The following UNC45B variants were observed in gnomAD, a reference collection of about 807,000 sequenced individuals.
UNC45B encodes the protein unc-45 myosin chaperone B.
A neutral mutation model predicts 98.7 loss-of-function variants in UNC45B; 78 were observed. That is an observed-to-expected ratio of 0.79 (90% CI 0.66 to 0.95). The LOEUF (loss-of-function observed/expected upper bound fraction) is 0.95, where lower values mean the gene tolerates loss of function less well. Ranked by LOEUF, UNC45B falls within the 40% of genes least tolerant of loss-of-function variation. UNC45B has a pLI of 0.00. For synonymous variants in UNC45B, 462 were observed against 480.4 expected (o/e 0.96, Z 0.50); for missense variants, 1,225 against 1,184.9 (o/e 1.03, Z -0.50).
At chr17:35,175,077 A>C (rs952182685) in intron 14 of UNC45B, among the ~76,000 whole-genome samples, 1 of 122,324 alleles carries the variant, frequency 8.2e-6, no homozygotes, top group East Asian at 2.2e-4. Flanking sequence ...GAAAGAAAGA[A>C]AGAAAGAAAG....
intron 18 of UNC45B, among the ~76,000 whole-genome samples, chr17:35,181,879 C>A (rs2092276378): frequency 6.6e-6 from 1 of 151,006 alleles, no homozygotes; most frequent in Non-Finnish European, 1.5e-5. Flanking sequence ...GGGCTGGGGG[C>A]CTGGCAGCCA....
intron 13 of UNC45B, among the ~76,000 whole-genome samples, chr17:35,173,318 G>C (rs1043690493): frequency 2.6e-5 from 4 of 152,022 alleles, no homozygotes; most frequent in Non-Finnish European, 5.9e-5. Context: ...TAGAGACGGG[G>C]TTTCGCCATG....
At chr17:35,182,141 G>A (rs1035857923) in intron 18 of UNC45B, among the ~76,000 whole-genome samples, 1 of 150,442 alleles carries the variant, frequency 6.6e-6, no homozygotes, top group Non-Finnish European at 1.5e-5. Flanking sequence ...CCAGGGTAGA[G>A]TGCAGTGGTG....
In UNC45B at chr17:35,183,928, A is replaced by G. The variant is rs535949459; in HGVS notation, c.2529+346A>G. Reference sequence around the variant, plus strand: ...GAAGCACGGATGTGGTTGGGATGCCATAAGGAGCTTATGGTTTGGCAAAAA... The same window carrying G: ...GAAGCACGGATGTGGTTGGGATGCCGTAAGGAGCTTATGGTTTGGCAAAAA... On this transcript the variant is annotated intron_variant, in intron 19 of 19. Coordinates refer to ENST00000394570, the MANE Select transcript of UNC45B (RefSeq NM_001267052.2). Among the ~76,000 whole-genome samples the G allele has an allele frequency of 3.3e-5, 5 of 152,066 alleles. No individual in the cohort carries two copies. In the South Asian group the frequency reaches 1.0e-3, roughly 32 times the overall value.
chr17:35,158,468 C>T (rs1286188956), intron 7 of UNC45B, among the ~76,000 whole-genome samples: 1 of 152,142 alleles, frequency 6.6e-6, no homozygotes, highest in Non-Finnish European at 1.5e-5. Context: ...CAGCCCAGGG[C>T]CAGTGTTGGA....
Position 35,186,820 on chromosome 17 carries a change from G to C in UNC45B, c.*261G>C, listed in dbSNP as rs1231243504. 8 of 377,628 alleles carry C rather than the reference G, an allele frequency of 2.1e-5. No homozygotes were observed. The highest frequency in any genetic ancestry group is 4.1e-5 in the African/African-American group (2 of 49,000). The allele number at this position is 377,628 out of a possible 1,614,324, so 23.4% of individuals were successfully genotyped here. On this transcript the variant is annotated 3_prime_UTR_variant, in exon 20 of 20. Transcript: ENST00000394570. The stretch of plus-strand genomic sequence containing the variant: ...AATTCCCAGAATAATTTTCACCCAT[G>C]ATTAGAAATAGGTTGGATCATTCTT...
At chr17:35,172,464 G>T (rs2092194201) in intron 13 of UNC45B, among the ~76,000 whole-genome samples, 1 of 152,186 alleles carries the variant, frequency 6.6e-6, no homozygotes, top group South Asian at 2.1e-4. Flanking sequence ...GGTCAGGCTG[G>T]TCTCAAACTC....
At chr17:35,155,157 C>T (rs1452343717) in intron 6 of UNC45B, 139 bp from the exon 7 acceptor site, 1 of 1,023,446 alleles carries the variant, frequency 9.8e-7, no homozygotes, top group African/African-American at 1.6e-5. Context: ...ACAGAGGGGC[C>T]CATGAGGCAA....
At chr17:35,168,434 T>C in intron 10 of UNC45B, 73 bp downstream of exon 10, 1 of 1,257,718 alleles carries the variant, frequency 8.0e-7, no homozygotes, top group East Asian at 2.8e-5. Flanking sequence ...CCAAAATGAA[T>C]GAGTTGAGGC....
At chr17:35,149,770 C>T (rs968704215) in intron 3 of UNC45B, among the ~76,000 whole-genome samples, 8 of 152,144 alleles carry the variant, frequency 5.3e-5, no homozygotes, top group Non-Finnish European at 8.8e-5. Flanking sequence ...ATGCAAGCAC[C>T]GATTGGTTAA....
rs748791301 is a variant in UNC45B at position 35,175,952 on chromosome 17, C to G, written c.1959-16C>G. Reference sequence around the variant, plus strand: ...GCTGGTGTATTAACTGTTCTCCTTTCTTCTCGGTCCCACAGGGTATTCCTG... The same window carrying G: ...GCTGGTGTATTAACTGTTCTCCTTTGTTCTCGGTCCCACAGGGTATTCCTG... On this transcript the variant is annotated splice_polypyrimidine_tract_variant and intron_variant, in intron 14 of 19. Coordinates refer to ENST00000394570, the MANE Select transcript of UNC45B (RefSeq NM_001267052.2). 3.0e-5 allele frequency: 49 copies of G among 1,613,156 alleles called. No individual in the cohort carries two copies. In the Middle Eastern group the frequency reaches 1.2e-3, roughly 38 times the overall value.
intron 10 of UNC45B, among the ~76,000 whole-genome samples, 163 bp downstream of exon 10, chr17:35,168,524 G>A (rs945785582): frequency 1.3e-5 from 2 of 152,078 alleles, no homozygotes; most frequent in Non-Finnish European, 2.9e-5. Context: ...ATATCCAGGG[G>A]GCTTGTGAGG....
At position 35,177,520 on chromosome 17, in the gene UNC45B, T is replaced by G. The variant is rs2092243352; in HGVS notation, c.2165T>G (p.Val722Gly). 2 of 1,566,058 alleles carry G rather than the reference T, an allele frequency of 1.3e-6. No homozygotes were observed. The highest frequency in any genetic ancestry group is 2.4e-5 in the South Asian group (2 of 84,984). The part of the protein sequence containing the change: ...ERVYEVVRPL[V>G]RLLDTQRDGL... ...GTGTATGAGGTGGTGCGGCCCCTTG[T>G]AAGACTCTTGGACACACAGAGGGAT... is the stretch of plus-strand genomic sequence containing the variant. Residue 722 changes from valine to glycine, a missense_variant, in exon 17 of 20, where the codon GTA becomes GGA. Physicochemically the swap from Val to Gly is moderately radical, Grantham distance 109. Transcript: ENST00000394570.
At chr17:35,153,672 T>C (rs1217993588) in intron 5 of UNC45B, among the ~76,000 whole-genome samples, 2 of 151,866 alleles carry the variant, frequency 1.3e-5, no homozygotes, top group African/African-American at 4.8e-5. Flanking sequence ...TTGTTATAGA[T>C]AAAATAAAGT....
chr17:35,176,006 G>A lies in UNC45B; in HGVS notation c.1997G>A (p.Gly666Asp), dbSNP rs767124877. 2 of 1,614,028 alleles carry A rather than the reference G, an allele frequency of 1.2e-6. No individual in the cohort carries two copies. Among genetic ancestry groups the A allele is most frequent in the Non-Finnish European group, 1.7e-6 (2 of 1,180,030 alleles). Reference sequence around the variant, plus strand: ...CTGTGTGACAACCCAAAGGACCGAGGCACCATTGTGGCTCAAGGTGGTGGC... The same window carrying A: ...CTGTGTGACAACCCAAAGGACCGAGACACCATTGTGGCTCAAGGTGGTGGC... ...LALCDNPKDR[G>D]TIVAQGGGKA... Residue 666 changes from glycine to aspartate, a missense_variant, in exon 15 of 20, where the codon GGC (glycine) becomes GAC (aspartate). Transcript: ENST00000394570.
In UNC45B at chr17:35,154,732, C is replaced by T. The variant is rs765465353; in HGVS notation, c.630C>T (p.His210=). 9.4e-6 allele frequency: 15 copies of T among 1,588,944 alleles called. No individual in the cohort carries two copies. The highest frequency in any genetic ancestry group is 1.3e-5 in the Non-Finnish European group (15 of 1,171,206). ...VRTLSGMCSG[H]QARATVILHA... ...CCCTGTCGGGCATGTGCAGCGGCCA[C>T]CAAGCCAGAGTAAGTGCCCGGCTGT... The change falls in exon 6 of 20, where the codon CAC becomes CAT. Residue 210 remains histidine (H), a synonymous_variant. Transcript: ENST00000394570.
chr17:35,183,561 G>C lies in UNC45B; in HGVS notation c.2508G>C (p.Leu836=), dbSNP rs1353959463. 6.3e-7 allele frequency: 1 copy of C among 1,578,174 alleles called. No individual in the cohort carries two copies. Among genetic ancestry groups the C allele is most frequent in the Non-Finnish European group, 8.6e-7 (1 of 1,162,212 alleles). The change falls in exon 19 of 20, where the codon CTG becomes CTC. Residue 836 remains leucine, a synonymous_variant. Transcript: ENST00000394570. The part of the protein sequence containing the change: ...LAMLTAAHKK[L]CLKMTQVTTQ... Reference sequence around the variant, plus strand: ...TGCTGACAGCAGCACACAAGAAACTGTGCCTCAAGATGACTCAAGTGGTAA... The same window carrying C: ...TGCTGACAGCAGCACACAAGAAACTCTGCCTCAAGATGACTCAAGTGGTAA...
intron 19 of UNC45B, among the ~76,000 whole-genome samples, chr17:35,185,283 A>G (rs1472947975): frequency 6.6e-6 from 1 of 150,554 alleles, no homozygotes; most frequent in Admixed American, 6.6e-5. Context: ...AAACCTTTGC[A>G]TTGGTGTTTT....
At chr17:35,157,484 G>A (rs902855608) in intron 7 of UNC45B, among the ~76,000 whole-genome samples, 1 of 152,122 alleles carries the variant, frequency 6.6e-6, no homozygotes, top group Non-Finnish European at 1.5e-5. Context: ...TTACAGGTGT[G>A]AGCCACCATA....
Sources: gnomAD v4.1 joint callset for allele counts (sites outside exome capture counted in the v4.1 genomes callset) on GRCh38, gnomAD v4.1.1 for gene constraint, MANE v1.5 for transcripts, NCBI Gene and HGNC (gene_info 2026-07-23, HGNC 2026-07-21) for gene names.